Variants in UBE2K observed in about 807,000 individuals in gnomAD.
UBE2K encodes the protein ubiquitin-conjugating enzyme E2 K.
A neutral mutation model predicts 30.0 loss-of-function variants in UBE2K; 6 were observed. The ratio of observed to expected loss-of-function variants is 0.20; its 90% CI spans 0.11 to 0.39. The LOEUF (loss-of-function observed/expected upper bound fraction) is 0.39. Ranked by LOEUF, UBE2K falls within the 10% of genes least tolerant of loss-of-function variation. The pLI, the probability that UBE2K is intolerant of heterozygous loss-of-function variation, is 1.00. For synonymous variants in UBE2K, 86 were observed against 83.7 expected (o/e 1.03, Z -0.15); for missense variants, 61 against 241.6 (o/e 0.25, Z 4.96).
intron 4 of UBE2K, among the ~76,000 whole-genome samples, chr4:39,761,981 C>T (rs1303914687): frequency 6.6e-6 from 1 of 151,728 alleles, no homozygotes; most frequent in Non-Finnish European, 1.5e-5. Context: ...CAAGACCAGC[C>T]TGGGCAAGAT....
Position 39,698,248 on chromosome 4 carries a change from G to C in UBE2K, c.-80G>C, listed in dbSNP as rs962159006. On this transcript the variant is annotated 5_prime_UTR_variant, in exon 1 of 7. Coordinates refer to ENST00000261427, the MANE Select transcript of UBE2K (RefSeq NM_005339.5). ...GTCTGAATCGCCGAGGGAGGAGGCG[G>C]TGGAGGAAGAGGTGGCGGCGGTGGC... 15 of 1,388,276 alleles carry C rather than the reference G, an allele frequency of 1.1e-5. No individual in the cohort carries two copies. In the African/African-American group the frequency reaches 1.8e-4, roughly 17 times the overall value. 86.0% of individuals were successfully genotyped at this position (1,388,276 alleles called of 1,614,324 possible). A position where few individuals can be genotyped will look rare whatever the true frequency, so the allele number is the denominator to read the frequency against.
intron 4 of UBE2K, among the ~76,000 whole-genome samples, chr4:39,772,376 A>G (rs888521902): frequency 7.1e-6 from 1 of 141,798 alleles, no homozygotes; most frequent in African/African-American, 2.7e-5. Flanking sequence ...CCTGGGTAAC[A>G]TGGTGAAACC....
intron 2 of UBE2K, among the ~76,000 whole-genome samples, chr4:39,745,476 T>C (rs2109360454): frequency 6.6e-6 from 1 of 152,320 alleles, no homozygotes; most frequent in South Asian, 2.1e-4. Flanking sequence ...CCTGATGAAA[T>C]GTTGGCATTG....
Position 39,739,469 on chromosome 4 carries a change from C to G in UBE2K, c.157+1956C>G, listed in dbSNP as rs1349606444. 2.8e-5 allele frequency among the ~76,000 whole-genome samples: 3 copies of G among 107,228 alleles called. No individual in the cohort carries two copies. The Admixed American group carries it at 3.6e-4, about 13-fold the overall frequency. The allele number at this position is 107,228 out of a possible 152,430, so 70.3% of individuals were successfully genotyped here. On this transcript the variant is annotated intron_variant, in intron 2 of 6. Transcript: ENST00000261427. ...TTTTTTTTTTTTTTTTTTTGGGAGA[C>G]AGAGTCTTGCTCTGTCTCTCACGCT...
intron 4 of UBE2K, among the ~76,000 whole-genome samples, chr4:39,757,776 T>G (rs534936681): frequency 6.6e-6 from 1 of 152,298 alleles, no homozygotes; most frequent in East Asian, 1.9e-4. Context: ...ATTAGAGACA[T>G]TGTACTGTTT....
chr4:39,707,535 G>T (rs933938409), intron 1 of UBE2K, among the ~76,000 whole-genome samples: 16 of 148,958 alleles, frequency 1.1e-4, no homozygotes, highest in African/African-American at 3.7e-4. Context: ...TGAGCTAGGT[G>T]CCTTTTTTTT....
chr4:39,751,861 G>A (rs1332992400), intron 3 of UBE2K, among the ~76,000 whole-genome samples: 2 of 152,016 alleles, frequency 1.3e-5, no homozygotes, highest in African/African-American at 4.8e-5. Flanking sequence ...CAGCTACTGG[G>A]GAGACTGAGG....
chr4:39,738,669 G>A (rs1332474215), intron 2 of UBE2K, among the ~76,000 whole-genome samples: 1 of 151,904 alleles, frequency 6.6e-6, no homozygotes, highest in Non-Finnish European at 1.5e-5. Context: ...TGTGTTTTTT[G>A]TTGTTCATTT....
At chr4:39,776,222 T>G (rs2109416466) in intron 5 of UBE2K, among the ~76,000 whole-genome samples, 1 of 152,340 alleles carries the variant, frequency 6.6e-6, no homozygotes, top group South Asian at 2.1e-4. Context: ...GGAGTTTTTC[T>G]CTGTGTCTCC....
chr4:39,742,135 G>T (rs1301708580), intron 2 of UBE2K, among the ~76,000 whole-genome samples: 2 of 151,858 alleles, frequency 1.3e-5, no homozygotes, highest in East Asian at 3.9e-4. Context: ...CATTAACAAA[G>T]AACTTTGTAT....
intron 4 of UBE2K, chr4:39,770,860 T>TC (rs1357886663): frequency 2.6e-6 from 4 of 1,541,906 alleles, no homozygotes; most frequent in African/African-American, 2.8e-5. Context: ...TCCTCGGCTT[T>TC]CAGCTCCAAG....
intron 2 of UBE2K, among the ~76,000 whole-genome samples, chr4:39,739,713 G>T (rs928162656): frequency 6.6e-6 from 1 of 152,052 alleles, no homozygotes; most frequent in Admixed American, 6.6e-5. Context: ...CCAAAGTGCT[G>T]AGATTACAGG....
chr4:39,715,082 GT>G, intron 1 of UBE2K, among the ~76,000 whole-genome samples: 1 of 148,592 alleles, frequency 6.7e-6, no homozygotes, highest in African/African-American at 2.5e-5. Flanking sequence ...CTGGAGTGCA[GT>G]GGCGCGATCT....
intron 4 of UBE2K, chr4:39,770,542 C>G (rs1578504488): frequency 6.3e-7 from 1 of 1,596,948 alleles, no homozygotes; most frequent in Non-Finnish European, 8.5e-7. Context: ...GCAACCATGG[C>G]CGCCGCTGCT....
At chr4:39,747,703 G>C (rs1721051097) in intron 3 of UBE2K, among the ~76,000 whole-genome samples, 1 of 151,986 alleles carries the variant, frequency 6.6e-6, no homozygotes. Context: ...TGCAAGCTCT[G>C]CCTCCTGGGT....
At chr4:39,765,940 C>CAT (rs762582207) in intron 4 of UBE2K, among the ~76,000 whole-genome samples, 25 of 140,712 alleles carry the variant, frequency 1.8e-4, no homozygotes, top group African/African-American at 4.1e-4. Flanking sequence ...TACATACATA[C>CAT]ACACACACAC....
intron 1 of UBE2K, among the ~76,000 whole-genome samples, chr4:39,705,902 T>A (rs1316188455): frequency 6.9e-6 from 1 of 144,644 alleles, no homozygotes; most frequent in Non-Finnish European, 1.5e-5. Context: ...CAGGCTGGAG[T>A]GCAGTGGCGC....
chr4:39,744,344 T>C (rs1318225502), intron 2 of UBE2K, among the ~76,000 whole-genome samples: 1 of 151,508 alleles, frequency 6.6e-6, no homozygotes, highest in African/African-American at 2.4e-5. Context: ...AGCTAATTTT[T>C]TGTGTTTTTA....
At chr4:39,764,374 C>T (rs545480013) in intron 4 of UBE2K, among the ~76,000 whole-genome samples, 1 of 150,980 alleles carries the variant, frequency 6.6e-6, no homozygotes. Context: ...TCTAAATTTG[C>T]AGCTCTAGAT....
Sources: allele counts gnomAD v4.1 joint callset (sites outside exome capture counted in the v4.1 genomes callset), GRCh38; gene constraint gnomAD v4.1.1; transcripts MANE v1.5; gene names NCBI Gene and HGNC (gene_info 2026-07-23, HGNC 2026-07-21).